The following STK39 variants were observed in gnomAD, a reference collection of about 807,000 sequenced individuals.
STK39 encodes STE20/SPS1-related proline-alanine-rich protein kinase.
Under a neutral mutation model 77.8 loss-of-function variants are expected in STK39, and 20 were observed. That is an observed-to-expected ratio of 0.26 (90% CI 0.18 to 0.37). The LOEUF (loss-of-function observed/expected upper bound fraction) is 0.37. Ranked by LOEUF, STK39 falls within the 10% of genes least tolerant of loss-of-function variation. The pLI is 1.00. For missense variants in STK39, 479 were observed against 656.5 expected (o/e 0.73, Z 2.95); for synonymous variants, 246 against 234.1 (o/e 1.05, Z -0.47).
intron 12 of STK39, among the ~76,000 whole-genome samples, chr2:168,073,171 A>C (rs1412330979): frequency 6.6e-6 from 1 of 152,224 alleles, no homozygotes; most frequent in East Asian, 1.9e-4. Flanking sequence ...GTCTGTGCAG[A>C]AAATATTCTT....
At chr2:168,159,501 G>A (rs1020351464) in intron 5 of STK39, among the ~76,000 whole-genome samples, 1 of 152,184 alleles carries the variant, frequency 6.6e-6, no homozygotes, top group African/African-American at 2.4e-5. Flanking sequence ...GAGGACAGCA[G>A]TAACATCTAC....
intron 14 of STK39, among the ~76,000 whole-genome samples, chr2:168,020,619 A>G (rs1292225521): frequency 1.3e-5 from 2 of 150,768 alleles, no homozygotes; most frequent in Non-Finnish European, 3.0e-5. Flanking sequence ...ATACACATAT[A>G]TGTATATATT....
At chr2:168,132,916 A>AT (rs1238920452) in intron 8 of STK39, among the ~76,000 whole-genome samples, 1 of 152,244 alleles carries the variant, frequency 6.6e-6, no homozygotes, top group Non-Finnish European at 1.5e-5. Flanking sequence ...ATGCTGCTAC[A>AT]CATTTGGACA....
At position 168,063,541 on chromosome 2, in the gene STK39, T is replaced by C; in HGVS notation, c.1335A>G (p.Arg445=). ...GGTTCACGGCACAAGAAGAAGCTTC[T>C]CTGTAGTCTTCATTAGCATTGGGTG... ...QGPPNANEDY[R]EASSCAVNLV... is the part of the protein sequence containing the mutation. The change falls in exon 14 of 18, where the codon AGA becomes AGG. Residue 445 remains arginine, a synonymous_variant. Coordinates refer to ENST00000355999, the MANE Select transcript of STK39 (RefSeq NM_013233.3). The C allele has an allele frequency of 6.2e-7, 1 of 1,613,272 alleles. No homozygotes were observed. The highest frequency in any genetic ancestry group is 8.5e-7 in the Non-Finnish European group (1 of 1,179,526).
intron 2 of STK39, among the ~76,000 whole-genome samples, chr2:168,168,361 T>C (rs1688739768): frequency 6.6e-6 from 1 of 152,228 alleles, no homozygotes; most frequent in Non-Finnish European, 1.5e-5. Flanking sequence ...TTCAGTCTAA[T>C]GTAACTCTCA....
chr2:168,065,094 G>A (rs1685759998), intron 13 of STK39, among the ~76,000 whole-genome samples: 1 of 152,082 alleles, frequency 6.6e-6, no homozygotes, highest in African/African-American at 2.4e-5. Context: ...CACAGTACCA[G>A]CAATTTCAGG....
intron 15 of STK39, among the ~76,000 whole-genome samples, chr2:168,013,963 A>T (rs1196530467): frequency 1.3e-5 from 2 of 152,200 alleles, no homozygotes; most frequent in Non-Finnish European, 2.9e-5. Flanking sequence ...AATGGTAACT[A>T]TGATGATGAT....
intron 16 of STK39, among the ~76,000 whole-genome samples, chr2:167,984,271 A>T (rs1214535710): frequency 6.6e-6 from 1 of 152,196 alleles, no homozygotes; most frequent in Admixed American, 6.5e-5. Flanking sequence ...ACATATTCTC[A>T]TGAGTGCTGT....
chr2:168,118,218 T>C (rs1687307954), intron 10 of STK39, among the ~76,000 whole-genome samples: 2 of 152,066 alleles, frequency 1.3e-5, no homozygotes, highest in Admixed American at 1.3e-4. Flanking sequence ...CCAGAAAAGC[T>C]AGCTCATGCA....
chr2:168,173,723 A>T (rs1195104490), intron 2 of STK39, among the ~76,000 whole-genome samples: 2 of 151,982 alleles, frequency 1.3e-5, no homozygotes, highest in Non-Finnish European at 2.9e-5. Context: ...TAATTTTTGT[A>T]GTTTTAGTAG....
intron 14 of STK39, among the ~76,000 whole-genome samples, chr2:168,025,593 A>C (rs1684675054): frequency 6.6e-6 from 1 of 152,276 alleles, no homozygotes; most frequent in Non-Finnish European, 1.5e-5. Flanking sequence ...CTAAAGACAT[A>C]CAACAGCAGG....
chr2:168,106,906 T>C (rs1162246860), intron 10 of STK39, among the ~76,000 whole-genome samples: 1 of 152,208 alleles, frequency 6.6e-6, no homozygotes, highest in Non-Finnish European at 1.5e-5. Flanking sequence ...TATGTGGATA[T>C]AATCTAGAAC....
At chr2:167,992,800 A>C (rs1469812051) in intron 16 of STK39, among the ~76,000 whole-genome samples, 1 of 152,232 alleles carries the variant, frequency 6.6e-6, no homozygotes, top group East Asian at 1.9e-4. Flanking sequence ...ATGGAACAAA[A>C]CAACATAATC....
At chr2:168,168,640 T>C (rs1461115374) in intron 2 of STK39, among the ~76,000 whole-genome samples, 3 of 152,214 alleles carry the variant, frequency 2.0e-5, no homozygotes, top group Non-Finnish European at 2.9e-5. Context: ...ATCCGACAAC[T>C]TGGCCAAAAT....
intron 1 of STK39, among the ~76,000 whole-genome samples, chr2:168,190,400 G>A (rs1689310238): frequency 6.6e-6 from 1 of 152,192 alleles, no homozygotes; most frequent in Non-Finnish European, 1.5e-5. Flanking sequence ...CAAGGTACAA[G>A]CCTAGGGAAG....
chr2:168,217,621 A>G (rs1297652589), intron 1 of STK39, among the ~76,000 whole-genome samples: 1 of 152,224 alleles, frequency 6.6e-6, no homozygotes, highest in Non-Finnish European at 1.5e-5. Context: ...ATGATGTAGT[A>G]TTTGCATATA....
At chr2:168,182,203 G>C in intron 1 of STK39, 113 bp from the exon 2 acceptor site, 1 of 682,014 alleles carries the variant, frequency 1.5e-6, no homozygotes. Context: ...AGCGTATTCA[G>C]AACATTACCA....
chr2:168,129,402 T>C, intron 10 of STK39, 139 bp downstream of exon 10: 1 of 897,590 alleles, frequency 1.1e-6, no homozygotes, highest in South Asian at 1.8e-5. Flanking sequence ...GCAAATGCAG[T>C]TATCTGAGTA....
chr2:167,964,872 C>T (rs1185703715), intron 16 of STK39, 146 bp from the exon 17 acceptor site: 2 of 637,896 alleles, frequency 3.1e-6, no homozygotes, highest in Non-Finnish European at 2.7e-6. Flanking sequence ...ATATAAATGA[C>T]CAAATTACTC....
Sources: gnomAD v4.1 joint callset for allele counts (sites outside exome capture counted in the v4.1 genomes callset) on GRCh38, gnomAD v4.1.1 for gene constraint, MANE v1.5 for transcripts, NCBI Gene and HGNC (gene_info 2026-07-23, HGNC 2026-07-21) for gene names.